Variants in CYP4X1 observed in about 807,000 individuals in gnomAD.
CYP4X1 encodes the protein cytochrome P450 4X1.
A neutral mutation model predicts 57.9 loss-of-function variants in CYP4X1; 44 were observed. The ratio of observed to expected loss-of-function variants is 0.76; its 90% CI spans 0.60 to 0.98. CYP4X1 has a LOEUF of 0.98. Ranked by LOEUF, CYP4X1 falls within the 50% of genes least tolerant of loss-of-function variation. The probability of loss-of-function intolerance (pLI) is 0.00; values close to 1 mark genes in which losing one functional copy is unlikely to be tolerated. For missense variants in CYP4X1, 532 were observed against 623.9 expected, an observed-to-expected ratio of 0.85 and a Z score of 1.57; for synonymous variants, 227 against 228.6, an observed-to-expected ratio of 0.99 and a Z score of 0.06.
chr1:46,970,657 C>T, the CYP4X1 span, among the ~76,000 whole-genome samples: 1 of 152,160 alleles, frequency 6.6e-6, no homozygotes, highest in Non-Finnish European at 1.5e-5. Flanking sequence ...GAGAAATGTG[C>T]TGTGCAGGAA....
At chr1:47,046,648 G>A (rs899246907) in intron 9 of CYP4X1, 48 bp downstream of exon 9, 1 of 1,612,730 alleles carries the variant, frequency 6.2e-7, no homozygotes, top group Non-Finnish European at 8.5e-7. Context: ...ATGGGATCCT[G>A]GAGACCACAG....
chr1:47,007,763 G>A, the CYP4X1 span, among the ~76,000 whole-genome samples: 9 of 152,200 alleles, frequency 5.9e-5, no homozygotes, highest in South Asian at 2.1e-4. Flanking sequence ...ACCATGGCAC[G>A]AGAACTACGT....
chr1:46,971,850 A>T, the CYP4X1 span, among the ~76,000 whole-genome samples: 823 of 152,284 alleles, frequency 5.4e-3, no homozygotes, highest in South Asian at 0.014. Context: ...TGTCAAATGC[A>T]TACCTTGCAA....
chr1:47,050,184 T>C lies in CYP4X1; in HGVS notation c.*10T>C. 6.2e-7 allele frequency: 1 copy of C among 1,613,390 alleles called. No homozygotes were observed. The highest frequency in any genetic ancestry group is 8.5e-7 in the Non-Finnish European group (1 of 1,179,716). ...ACTCTCTGAATGTTAGATCTCAGGGTACAATGATTAAACGTACTTTGTTTT... is the reference window on the plus strand; with the variant it reads ...ACTCTCTGAATGTTAGATCTCAGGGCACAATGATTAAACGTACTTTGTTTT... On this transcript the variant is annotated 3_prime_UTR_variant, in exon 12 of 12. Transcript: ENST00000371901.
At chr1:46,977,010 A>G in the CYP4X1 span, among the ~76,000 whole-genome samples, 4 of 152,304 alleles carry the variant, frequency 2.6e-5, no homozygotes, top group East Asian at 7.7e-4. Flanking sequence ...AACCACAAAG[A>G]TGGGGAGAAA....
rs112615305 is a variant in CYP4X1, at chr1:47,036,370, T to A, written c.775+199T>A. Among the ~76,000 whole-genome samples, 156 of 129,700 alleles carry A rather than the reference T, an allele frequency of 1.2e-3. 2 individuals are homozygous for A. Among genetic ancestry groups the A allele is most frequent in the Non-Finnish European group, 1.5e-3 (89 of 61,206 alleles). 85.1% of individuals were successfully genotyped at this position (129,700 alleles called of 152,430 possible). A position where few individuals can be genotyped will look rare whatever the true frequency, so the allele number is the denominator to read the frequency against. ...AACCATAGCAGTATTATCAGAATTT[T>A]TATATATATATATATACACTATTTT... On this transcript the variant is annotated intron_variant, in intron 6 of 11. Coordinates refer to ENST00000371901, the MANE Select transcript of CYP4X1 (RefSeq NM_178033.2).
At chr1:47,031,992 C>T (rs1158167985) in intron 3 of CYP4X1, among the ~76,000 whole-genome samples, 1 of 152,002 alleles carries the variant, frequency 6.6e-6, no homozygotes, top group East Asian at 1.9e-4. Context: ...GCCGTGAGCT[C>T]AGATTGTGCC....
At chr1:47,045,093 G>T (rs1644287441) in intron 8 of CYP4X1, among the ~76,000 whole-genome samples, 1 of 152,108 alleles carries the variant, frequency 6.6e-6, no homozygotes, top group African/African-American at 2.4e-5. Flanking sequence ...CCAAAGTGCT[G>T]GGATTGCAGG....
the CYP4X1 span, among the ~76,000 whole-genome samples, chr1:46,972,821 G>A: frequency 6.6e-6 from 1 of 151,996 alleles, no homozygotes; most frequent in South Asian, 2.1e-4. Flanking sequence ...CTGAGATCTA[G>A]GAGCCTTTGG....
At chr1:46,967,743 C>T in the CYP4X1 span, 1 of 1,243,146 alleles carries the variant, frequency 8.0e-7, no homozygotes, top group Non-Finnish European at 1.1e-6. Flanking sequence ...CACTTTTGAA[C>T]TTCAGCAAAA....
chr1:47,015,424 G>A, the CYP4X1 span, among the ~76,000 whole-genome samples: 2 of 152,150 alleles, frequency 1.3e-5, no homozygotes, highest in African/African-American at 4.8e-5. Context: ...CCCTGCCCCT[G>A]CCGTGGCAGA....
chr1:47,037,087 G>C (rs1557606345), intron 6 of CYP4X1, among the ~76,000 whole-genome samples: 1 of 152,014 alleles, frequency 6.6e-6, no homozygotes, highest in Non-Finnish European at 1.5e-5. Context: ...TGCACACACA[G>C]AAAATGTTAA....
chr1:46,977,556 G>A, the CYP4X1 span, among the ~76,000 whole-genome samples: 1 of 151,972 alleles, frequency 6.6e-6, no homozygotes, highest in Admixed American at 6.6e-5. Flanking sequence ...CACTCTTCAG[G>A]ATATTATGTA....
the CYP4X1 span, among the ~76,000 whole-genome samples, chr1:46,965,840 C>T: frequency 4.7e-4 from 71 of 152,318 alleles, no homozygotes; most frequent in Middle Eastern, 3.4e-3. Context: ...ATGATGGCCA[C>T]GCCTCCCCTC....
chr1:47,010,279 T>A, the CYP4X1 span, among the ~76,000 whole-genome samples: 1 of 152,148 alleles, frequency 6.6e-6, no homozygotes, highest in Non-Finnish European at 1.5e-5. Context: ...ATAAATGTAA[T>A]CCAGCATATA....
the CYP4X1 span, among the ~76,000 whole-genome samples, chr1:46,979,732 T>C: frequency 1.6e-4 from 24 of 152,092 alleles, no homozygotes; most frequent in African/African-American, 5.8e-4. Context: ...TCCTCAATAA[T>C]ATACTGGCAA....
chr1:47,049,174 G>A (rs1255759801), intron 10 of CYP4X1, among the ~76,000 whole-genome samples: 1 of 152,128 alleles, frequency 6.6e-6, no homozygotes, highest in East Asian at 1.9e-4. Flanking sequence ...TGAAGACATA[G>A]TACCCTAAAA....
chr1:47,032,819 T>C (rs919401301), intron 3 of CYP4X1, among the ~76,000 whole-genome samples: 4 of 152,158 alleles, frequency 2.6e-5, no homozygotes, highest in Non-Finnish European at 5.9e-5. Flanking sequence ...AGGGAGTAGG[T>C]TGGCTACCTT....
chr1:47,006,705 C>T, the CYP4X1 span, among the ~76,000 whole-genome samples: 1 of 152,202 alleles, frequency 6.6e-6, no homozygotes, highest in African/African-American at 2.4e-5. Context: ...TGACAGACGG[C>T]ACCTGGAAAA....
Sources: allele counts gnomAD v4.1 joint callset (sites outside exome capture counted in the v4.1 genomes callset), GRCh38; gene constraint gnomAD v4.1.1; transcripts MANE v1.5; gene names NCBI Gene and HGNC (gene_info 2026-07-23, HGNC 2026-07-21).